PLXNA4: variants seen among roughly 807,000 people sequenced by gnomAD.
PLXNA4 encodes the protein plexin-A4.
A neutral mutation model predicts 191.8 loss-of-function variants in PLXNA4; 44 were observed. That is an observed-to-expected ratio of 0.23 (90% confidence interval 0.18 to 0.29). PLXNA4 has a LOEUF of 0.29. PLXNA4 is among the 10% of genes least tolerant of loss of function. The pLI is 1.00. For missense variants in PLXNA4, 1,800 were observed against 2,488.8 expected (o/e 0.72, Z 5.89); for synonymous variants, 1,082 against 1,009.5 (o/e 1.07, Z -1.36).
chr7:132,220,810 CTTTTTTT>C (rs35090579), intron 9 of PLXNA4, among the ~76,000 whole-genome samples: 1 of 100,786 alleles, frequency 9.9e-6, no homozygotes, highest in African/African-American at 4.0e-5. Context: ...TTATTTTATT[CTTTTTTT>C]TTTTTTTTTT....
chr7:132,475,811 C>T (rs1161201176), intron 3 of PLXNA4, among the ~76,000 whole-genome samples: 2 of 152,184 alleles, frequency 1.3e-5, no homozygotes, highest in Non-Finnish European at 2.9e-5. Flanking sequence ...GAGAAAGAAG[C>T]CACTCTGGTG....
At chr7:132,552,061 C>T (rs1182047276) in intron 1 of PLXNA4, among the ~76,000 whole-genome samples, 1 of 152,190 alleles carries the variant, frequency 6.6e-6, no homozygotes, top group Non-Finnish European at 1.5e-5. Context: ...AAAATCAATG[C>T]TGCACATGCA....
intron 1 of PLXNA4, among the ~76,000 whole-genome samples, chr7:132,529,697 C>T (rs2116426747): frequency 6.6e-6 from 1 of 151,878 alleles, no homozygotes; most frequent in South Asian, 2.1e-4. Flanking sequence ...GCTCCACCTC[C>T]TGGGTCCATG....
intron 3 of PLXNA4, among the ~76,000 whole-genome samples, chr7:132,360,445 A>G (rs978427397): frequency 6.6e-6 from 1 of 152,210 alleles, no homozygotes; most frequent in Non-Finnish European, 1.5e-5. Flanking sequence ...GATTATAAGG[A>G]TCAGAGCAAA....
At chr7:132,554,556 C>A (rs979917390) in intron 1 of PLXNA4, among the ~76,000 whole-genome samples, 1 of 152,150 alleles carries the variant, frequency 6.6e-6, no homozygotes, top group African/African-American at 2.4e-5. Flanking sequence ...CCAGCTTAAT[C>A]GTTTGTCATC....
At chr7:132,179,648 G>GCA in intron 20 of PLXNA4, 39 bp downstream of exon 20, 1 of 1,596,744 alleles carries the variant, frequency 6.3e-7, no homozygotes, top group South Asian at 1.1e-5. Flanking sequence ...ATGCACACAC[G>GCA]CACACACACA....
At chr7:132,452,828 T>A (rs1458185184) in intron 3 of PLXNA4, among the ~76,000 whole-genome samples, 3 of 152,104 alleles carry the variant, frequency 2.0e-5, no homozygotes, top group African/African-American at 7.2e-5. Context: ...CCTAATTACA[T>A]CCCTCCATTG....
At chr7:132,388,584 G>A (rs1004676550) in intron 3 of PLXNA4, among the ~76,000 whole-genome samples, 1 of 152,166 alleles carries the variant, frequency 6.6e-6, no homozygotes, top group Admixed American at 6.5e-5. Context: ...TCCTGACCAT[G>A]TATTTTTAGC....
At chr7:132,579,465 G>GTGTGTGTGCGTGTGTGTA (rs1802361042), upstream of PLXNA4, among the ~76,000 whole-genome samples, 1 of 150,848 alleles carries the variant, frequency 6.6e-6, no homozygotes, top group Non-Finnish European at 1.5e-5. Flanking sequence ...GCGTGTGTGT[G>GTGTGTGTGCGTGTGTGTA]TGAATATGGC....
intron 2 of PLXNA4, among the ~76,000 whole-genome samples, chr7:132,588,634 A>AGGAAGGGAAG (rs1188847081): frequency 0.13 from 7,965 of 59,848 alleles, 844 homozygotes; most frequent in Non-Finnish European, 0.17. Context: ...TGAGGAAGGA[A>AGGAAGGGAAG]GGAAGGGAAG....
intron 4 of PLXNA4, among the ~76,000 whole-genome samples, chr7:132,268,697 C>T (rs978326686): frequency 6.6e-6 from 1 of 151,398 alleles, no homozygotes; most frequent in South Asian, 2.1e-4. Context: ...ACTGCTGGTG[C>T]CTCCAGGAGG....
intron 13 of PLXNA4, 52 bp from the exon 14 acceptor site, chr7:132,194,231 C>T (rs1206386503): frequency 2.1e-5 from 33 of 1,573,076 alleles, no homozygotes; most frequent in Non-Finnish European, 2.8e-5. Flanking sequence ...CCAGCCAAGA[C>T]CCTGCACCCC....
intron 3 of PLXNA4, among the ~76,000 whole-genome samples, chr7:132,321,504 A>G (rs1802164294): frequency 6.6e-6 from 1 of 152,022 alleles, no homozygotes; most frequent in East Asian, 1.9e-4. Context: ...TAAACAGCAG[A>G]CGGTGGGTCA....
chr7:132,132,126 C>T (rs1055648560), intron 31 of PLXNA4, among the ~76,000 whole-genome samples: 1 of 152,214 alleles, frequency 6.6e-6, no homozygotes, highest in Non-Finnish European at 1.5e-5. Context: ...ACTAGAAGCC[C>T]AGGAAGACAC....
intron 4 of PLXNA4, among the ~76,000 whole-genome samples, chr7:132,297,752 A>G (rs753788008): frequency 1.3e-5 from 2 of 152,164 alleles, no homozygotes; most frequent in Admixed American, 6.5e-5. Context: ...ATGAGGTAGC[A>G]TTTTGTATAG....
At chr7:132,330,247 G>T (rs1359235363) in intron 3 of PLXNA4, among the ~76,000 whole-genome samples, 1 of 152,204 alleles carries the variant, frequency 6.6e-6, no homozygotes, top group Non-Finnish European at 1.5e-5. Flanking sequence ...TAGGGACATG[G>T]TGGGAAGAAG....
At chr7:132,246,193 G>A (rs1480741045) in intron 4 of PLXNA4, among the ~76,000 whole-genome samples, 1 of 152,176 alleles carries the variant, frequency 6.6e-6, no homozygotes, top group Non-Finnish European at 1.5e-5. Flanking sequence ...CCTGTTCTCT[G>A]CTTAGCTCCT....
chr7:132,496,959 TG>T (rs1283202611), intron 2 of PLXNA4, among the ~76,000 whole-genome samples: 1 of 152,012 alleles, frequency 6.6e-6, no homozygotes, highest in Non-Finnish European at 1.5e-5. Flanking sequence ...CAAAGGAAAG[TG>T]AGAAATGACG....
At chr7:132,297,197 C>T (rs556468218) in intron 4 of PLXNA4, among the ~76,000 whole-genome samples, 4 of 152,136 alleles carry the variant, frequency 2.6e-5, no homozygotes, top group South Asian at 2.1e-4. Context: ...CCCTCATGGC[C>T]GCTGCTGCCA....
Sources: gnomAD v4.1 joint callset for allele counts (sites outside exome capture counted in the v4.1 genomes callset) on GRCh38, gnomAD v4.1.1 for gene constraint, MANE v1.5 for transcripts, NCBI Gene and HGNC (gene_info 2026-07-23, HGNC 2026-07-21) for gene names.